Variants in SLC30A5 observed in about 807,000 individuals in gnomAD.
The protein encoded by SLC30A5 is proton-coupled zinc antiporter SLC30A5.
In SLC30A5, 33 loss-of-function variants were observed where a neutral mutation model predicts 79.6. That is an observed-to-expected ratio of 0.41 (90% CI 0.31 to 0.55). The LOEUF (loss-of-function observed/expected upper bound fraction) is 0.55, where lower values mean the gene tolerates loss of function less well. Among genes scored for constraint, SLC30A5 ranks in the 20% least tolerant of loss-of-function variants. The pLI is 0.20. For synonymous variants in SLC30A5, 299 were observed against 319.7 expected, an observed-to-expected ratio of 0.94 and a Z score of 0.69; for missense variants, 788 against 928.1, an observed-to-expected ratio of 0.85 and a Z score of 1.96.
Position 69,113,197 on chromosome 5 carries a change from G to A in SLC30A5, c.505G>A (p.Asp169Asn), listed in dbSNP as rs1746278111. 3.7e-6 allele frequency: 6 copies of A among 1,613,360 alleles called. No individual in the cohort carries two copies. The highest frequency in any genetic ancestry group is 2.5e-6 in the Non-Finnish European group (3 of 1,179,780). Residue 169 changes from aspartate (D) to asparagine (N), a missense_variant, in exon 6 of 16, where the codon GAT becomes AAT. Asp to Asn is a conservative substitution (Grantham distance 23). Coordinates refer to ENST00000396591, the MANE Select transcript of SLC30A5 (RefSeq NM_022902.5). ...GATCTGTTTATTGCTTTTTGACAAT[G>A]ATGATCTCATGGCTAAAATGGCTGA... ...AVICLLLFDN[D>N]DLMAKMAEHP...
chr5:69,102,919 TA>T (rs1242638988), intron 2 of SLC30A5, 142 bp from the exon 3 acceptor site: 1 of 415,354 alleles, frequency 2.4e-6, no homozygotes, highest in African/African-American at 2.1e-5. Flanking sequence ...AAAATAAGTA[TA>T]ATTAATTCTC....
chr5:69,128,017 A>G lies in SLC30A5; in HGVS notation c.2012A>G (p.Glu671Gly). Residue 671 changes from glutamate to glycine, a missense_variant, in exon 15 of 16, where the codon GAA becomes GGA. Transcript: ENST00000396591. ...TTTATTTGACAGATACAGAAAATTGAAGGATTAATATCATACCGAGACCCT... is the reference window on the plus strand; with the variant it reads ...TTTATTTGACAGATACAGAAAATTGGAGGATTAATATCATACCGAGACCCT... ...HIALEKIQKI[E>G]GLISYRDPHF... The G allele has an allele frequency of 6.2e-7, 1 of 1,610,332 alleles. No homozygotes were observed. Among genetic ancestry groups the G allele is most frequent in the Non-Finnish European group, 8.5e-7 (1 of 1,177,708 alleles).
intron 7 of SLC30A5, 97 bp from the exon 8 acceptor site, chr5:69,115,135 GAAAAA>G (rs60614154): frequency 0.016 from 8,706 of 535,384 alleles, 80 homozygotes; most frequent in Admixed American, 0.041. Flanking sequence ...TGTCTCTGGG[GAAAAA>G]AAAAAAAAAA....
Position 69,114,451 on chromosome 5 carries a change from T to C in SLC30A5, c.567T>C (p.His189=). 1 of 1,611,276 alleles carries C rather than the reference T, an allele frequency of 6.2e-7. No homozygotes were observed. Among genetic ancestry groups the C allele is most frequent in the Non-Finnish European group, 8.5e-7 (1 of 1,177,874 alleles). Residue 189 remains histidine (H), a synonymous_variant, in exon 7 of 16, where the codon CAT becomes CAC. Coordinates refer to ENST00000396591, the MANE Select transcript of SLC30A5 (RefSeq NM_022902.5). ...GACATCATGACAGTGCTCTAACTCA[T>C]ATGCTTTACACAGCCATTGCCTTCT... The part of the protein sequence containing the change: ...PEGHHDSALT[H]MLYTAIAFLG...
At chr5:69,112,291 C>CAA (rs879632892) in intron 5 of SLC30A5, among the ~76,000 whole-genome samples, 1 of 131,196 alleles carries the variant, frequency 7.6e-6, no homozygotes. Flanking sequence ...AGACTCTCCT[C>CAA]AAAAAAAAAA....
intron 6 of SLC30A5, among the ~76,000 whole-genome samples, chr5:69,113,461 G>A (rs756923545): frequency 6.6e-5 from 10 of 151,620 alleles, no homozygotes; most frequent in South Asian, 4.2e-4. Context: ...AGAAATGTAG[G>A]GACATTGAAA....
chr5:69,104,019 G>A, intron 3 of SLC30A5: 1 of 1,570,734 alleles, frequency 6.4e-7, no homozygotes, highest in Admixed American at 1.8e-5. Flanking sequence ...AAAGTTAAAT[G>A]ATCCTAGGAA....
At chr5:69,126,546 A>G (rs1415979721) in intron 14 of SLC30A5, among the ~76,000 whole-genome samples, 1 of 152,104 alleles carries the variant, frequency 6.6e-6, no homozygotes, top group Non-Finnish European at 1.5e-5. Flanking sequence ...GCGGATCACA[A>G]GGTCAGGAGT....
At chr5:69,099,758 C>T (rs1192624417) in intron 1 of SLC30A5, among the ~76,000 whole-genome samples, 3 of 152,184 alleles carry the variant, frequency 2.0e-5, no homozygotes, top group Non-Finnish European at 4.4e-5. Flanking sequence ...GTGGTCTTTT[C>T]ATTTCATAAC....
intron 7 of SLC30A5, 86 bp from the exon 8 acceptor site, chr5:69,115,135 GAAAAAAAAAAAAAAAA>G (rs60614154): frequency 0.063 from 33,493 of 533,256 alleles, 204 homozygotes; most frequent in East Asian, 0.088. Context: ...TGTCTCTGGG[GAAAAAAAAAAAAAAAA>G]AAAAAAAAAA....
At chr5:69,104,771 T>C (rs1365957307) in intron 4 of SLC30A5, 55 bp downstream of exon 4, 4 of 1,472,328 alleles carry the variant, frequency 2.7e-6, no homozygotes, top group Non-Finnish European at 3.6e-6. Context: ...TTTTGAATAT[T>C]ATTTTTGTTC....
intron 14 of SLC30A5, among the ~76,000 whole-genome samples, chr5:69,126,217 A>G (rs1746683698): frequency 6.6e-6 from 1 of 152,230 alleles, no homozygotes; most frequent in Non-Finnish European, 1.5e-5. Context: ...AAGTTCTATC[A>G]TCTTAACCCA....
At position 69,108,455 on chromosome 5, in the gene SLC30A5, A is replaced by C; in HGVS notation, c.447+19A>C. The C allele has an allele frequency of 6.5e-7, 1 of 1,538,266 alleles. No individual in the cohort carries two copies. The highest frequency in any genetic ancestry group is 9.0e-7 in the Non-Finnish European group (1 of 1,111,616). On this transcript the variant is annotated intron_variant, in intron 5 of 15. Coordinates refer to ENST00000396591, the MANE Select transcript of SLC30A5 (RefSeq NM_022902.5). Reference sequence around the variant, plus strand: ...AGCAAAGGTAGAATTTTCCATTATCAGTTACTTGGAAATGGAAAGTATGTA... The same window carrying C: ...AGCAAAGGTAGAATTTTCCATTATCCGTTACTTGGAAATGGAAAGTATGTA...
chr5:69,105,915 A>G (rs1419607266), intron 4 of SLC30A5, among the ~76,000 whole-genome samples: 1 of 152,118 alleles, frequency 6.6e-6, no homozygotes. Context: ...ATGTCTGATG[A>G]TCTGAGGTGG....
At chr5:69,115,823 G>A (rs1429943548) in intron 8 of SLC30A5, 103 bp from the exon 9 acceptor site, 3 of 964,150 alleles carry the variant, frequency 3.1e-6, no homozygotes, top group Non-Finnish European at 4.7e-6. Flanking sequence ...GAATCATATT[G>A]AATCATGCGA....
At chr5:69,097,681 G>A (rs1745785826) in intron 1 of SLC30A5, among the ~76,000 whole-genome samples, 1 of 151,966 alleles carries the variant, frequency 6.6e-6, no homozygotes, top group African/African-American at 2.4e-5. Context: ...TGAGATTGCA[G>A]ATGTGCACCA....
chr5:69,108,296 G>A (rs1014252839), intron 4 of SLC30A5, 53 bp from the exon 5 acceptor site: 68 of 1,393,518 alleles, frequency 4.9e-5, no homozygotes, highest in Middle Eastern at 2.2e-4. Context: ...GAATTCATGC[G>A]TCTTGATAAA....
At chr5:69,122,529 C>T (rs540105929) in intron 13 of SLC30A5, among the ~76,000 whole-genome samples, 2 of 152,202 alleles carry the variant, frequency 1.3e-5, no homozygotes, top group East Asian at 3.9e-4. Context: ...TGGCAGGCGC[C>T]TGTAGTCTCA....
intron 1 of SLC30A5, among the ~76,000 whole-genome samples, chr5:69,097,375 A>G (rs1327962399): frequency 6.6e-6 from 1 of 152,144 alleles, no homozygotes; most frequent in Non-Finnish European, 1.5e-5. Context: ...TGGGCCTCCC[A>G]AAGTGTTGGG....
Sources: gnomAD v4.1 joint callset for allele counts (sites outside exome capture counted in the v4.1 genomes callset) on GRCh38, gnomAD v4.1.1 for gene constraint, MANE v1.5 for transcripts, NCBI Gene and HGNC (gene_info 2026-07-23, HGNC 2026-07-21) for gene names.